The following NRXN3 variants were observed in gnomAD, a reference collection of about 807,000 sequenced individuals.
NRXN3 encodes the protein neurexin III.
In NRXN3, 32 loss-of-function variants were observed where a neutral mutation model predicts 137.6. The ratio of observed to expected loss-of-function variants is 0.23; its 90% CI spans 0.18 to 0.31. The LOEUF (loss-of-function observed/expected upper bound fraction) is 0.31, where lower values mean the gene tolerates loss of function less well. NRXN3 is among the 10% of genes least tolerant of loss of function. The pLI is 1.00. For missense variants in NRXN3, 1,574 were observed against 2,062.5 expected (o/e 0.76, Z 4.59); for synonymous variants, 798 against 784.5 (o/e 1.02, Z -0.29).
intron 2 of NRXN3, among the ~76,000 whole-genome samples, chr14:78,265,886 C>T (rs1458259060): frequency 6.6e-6 from 1 of 152,176 alleles, no homozygotes; most frequent in African/African-American, 2.4e-5. Context: ...ATTTGTGGCC[C>T]ATCTTCCTGG....
At position 79,131,125 on chromosome 14, in the gene NRXN3, T is replaced by G. The variant is rs371989933; in HGVS notation, c.3262+142984T>G. On this transcript the variant is annotated intron_variant, in intron 15 of 20. Coordinates refer to ENST00000335750, the MANE Select transcript of NRXN3 (RefSeq NM_001330195.2). ...CAACTTCTTTGCCTTTGGTTTGAAT[T>G]TCCTCCCGTAGCTCAGAGTAATTTG... is the stretch of plus-strand genomic sequence containing the variant. 2.6e-3 allele frequency among the ~76,000 whole-genome samples: 392 copies of G among 152,338 alleles called. 3 individuals are homozygous for G. Among genetic ancestry groups the G allele is most frequent in the African/African-American group, 8.5e-3 (352 of 41,584 alleles).
chr14:79,648,342 G>A lies in NRXN3; in HGVS notation c.3445-15436G>A, dbSNP rs1170531970. Among the ~76,000 whole-genome samples the A allele has an allele frequency of 3.0e-5, 4 of 135,490 alleles. 1 individual carries two copies. Among genetic ancestry groups the A allele is most frequent in the Non-Finnish European group, 5.2e-5 (3 of 58,210 alleles). The allele number at this position is 135,490 out of a possible 152,430, so 88.9% of individuals were successfully genotyped here. A position where few individuals can be genotyped will look rare whatever the true frequency, so the allele number is the denominator to read the frequency against. On this transcript the variant is annotated intron_variant, in intron 16 of 20. Transcript: ENST00000335750. ...CTCTCCCAATCAGCTCTGGCTGATT[G>A]TCCTACAGAAAATGTTGGCTCTGTG...
At chr14:79,371,218 T>C (rs1360924896) in intron 15 of NRXN3, among the ~76,000 whole-genome samples, 1 of 152,188 alleles carries the variant, frequency 6.6e-6, no homozygotes, top group East Asian at 1.9e-4. Context: ...TCCACATTTT[T>C]TTTCTACCCT....
chr14:79,207,992 G>C (rs911758238), intron 15 of NRXN3, among the ~76,000 whole-genome samples: 1 of 152,114 alleles, frequency 6.6e-6, no homozygotes, highest in Non-Finnish European at 1.5e-5. Context: ...TATTACAGAT[G>C]AGGAAACTAA....
chr14:78,944,064 T>C (rs2099360535), intron 10 of NRXN3, among the ~76,000 whole-genome samples: 1 of 152,110 alleles, frequency 6.6e-6, no homozygotes, highest in Non-Finnish European at 1.5e-5. Context: ...TGTTGAAGAA[T>C]AGAGATTGGC....
At chr14:78,528,294 A>G (rs546424476) in intron 4 of NRXN3, among the ~76,000 whole-genome samples, 26 of 152,160 alleles carry the variant, frequency 1.7e-4, no homozygotes, top group Non-Finnish European at 3.1e-4. Context: ...GCCTTTCAAG[A>G]TGTTGGCAAT....
intron 15 of NRXN3, among the ~76,000 whole-genome samples, chr14:79,377,507 A>C (rs1457508268): frequency 2.6e-5 from 4 of 152,078 alleles, no homozygotes; most frequent in Admixed American, 6.6e-5. Flanking sequence ...TAATCCTAGC[A>C]CTTTGGGAGG....
chr14:79,117,694 G>C (rs755860976), intron 15 of NRXN3, among the ~76,000 whole-genome samples: 23 of 152,018 alleles, frequency 1.5e-4, no homozygotes, highest in South Asian at 2.1e-4. Flanking sequence ...AGAAAAAAAA[G>C]CATTTTCAGT....
At chr14:79,078,156 T>C (rs947873243) in intron 15 of NRXN3, among the ~76,000 whole-genome samples, 8 of 152,168 alleles carry the variant, frequency 5.3e-5, no homozygotes, top group African/African-American at 1.9e-4. Context: ...CTGCTGCTCT[T>C]AGAATCACAG....
chr14:78,697,443 AG>A (rs1485863372), intron 6 of NRXN3, among the ~76,000 whole-genome samples: 2 of 152,066 alleles, frequency 1.3e-5, no homozygotes, highest in Admixed American at 6.6e-5. Context: ...GAGTCATCAT[AG>A]GAATTACAGT....
At chr14:79,232,242 TTGTG>T (rs985750587) in intron 15 of NRXN3, among the ~76,000 whole-genome samples, 1 of 151,924 alleles carries the variant, frequency 6.6e-6, no homozygotes, top group Non-Finnish European at 1.5e-5. Flanking sequence ...TGCCACGTCT[TTGTG>T]TGTGTGCGCG....
intron 8 of NRXN3, among the ~76,000 whole-genome samples, chr14:78,798,656 C>T (rs2153070422): frequency 6.6e-6 from 1 of 152,350 alleles, no homozygotes; most frequent in South Asian, 2.1e-4. Flanking sequence ...TTCGGCACTG[C>T]CCTAGCAGAG....
intron 20 of NRXN3, among the ~76,000 whole-genome samples, chr14:79,836,813 C>CAAA (rs1308914955): frequency 6.6e-6 from 1 of 151,958 alleles, no homozygotes; most frequent in Admixed American, 6.6e-5. Flanking sequence ...CCCACACACA[C>CAAA]ACAAAAAATC....
At chr14:78,868,003 CAT>C (rs1167191782) in intron 10 of NRXN3, among the ~76,000 whole-genome samples, 8 of 146,442 alleles carry the variant, frequency 5.5e-5, no homozygotes, top group African/African-American at 2.0e-4. Context: ...AATTTTAAAT[CAT>C]ATATAAATTT....
intron 1 of NRXN3, among the ~76,000 whole-genome samples, chr14:78,220,356 G>A (rs966714480): frequency 6.6e-6 from 1 of 151,880 alleles, no homozygotes; most frequent in Non-Finnish European, 1.5e-5. Flanking sequence ...AGAGGGAGGA[G>A]GGGAGGCACC....
intron 6 of NRXN3, among the ~76,000 whole-genome samples, chr14:78,677,438 A>C (rs1252602823): frequency 2.0e-5 from 3 of 151,910 alleles, no homozygotes; most frequent in East Asian, 1.9e-4. Context: ...AAAAAAAAAA[A>C]CCCTGGAAGG....
intron 16 of NRXN3, among the ~76,000 whole-genome samples, chr14:79,624,759 G>A (rs1391858991): frequency 6.7e-6 from 1 of 149,918 alleles, no homozygotes; most frequent in African/African-American, 2.5e-5. Context: ...TTAGGAGTGA[G>A]ATCAAACTCT....
At chr14:78,659,714 C>CAAAA (rs202186566) in intron 6 of NRXN3, among the ~76,000 whole-genome samples, 1 of 104,174 alleles carries the variant, frequency 9.6e-6, no homozygotes, top group African/African-American at 3.3e-5. Context: ...TGTGTGAGGA[C>CAAAA]AAAAAAAAAA....
At chr14:78,421,444 G>A (rs1223207414) in intron 4 of NRXN3, among the ~76,000 whole-genome samples, 1 of 152,000 alleles carries the variant, frequency 6.6e-6, no homozygotes, top group Non-Finnish European at 1.5e-5. Context: ...ATAATATTAG[G>A]AATATTTTTC....
Sources: gnomAD v4.1 joint callset for allele counts (sites outside exome capture counted in the v4.1 genomes callset) on GRCh38, gnomAD v4.1.1 for gene constraint, MANE v1.5 for transcripts, NCBI Gene and HGNC (gene_info 2026-07-23, HGNC 2026-07-21) for gene names.